Variants in MLXIPL observed in about 807,000 individuals in gnomAD.
The protein encoded by MLXIPL is carbohydrate-responsive element-binding protein.
A neutral mutation model predicts 81.5 loss-of-function variants in MLXIPL; 49 were observed. That is an observed-to-expected ratio of 0.60 (90% CI 0.48 to 0.76). The LOEUF (loss-of-function observed/expected upper bound fraction) is 0.76, where lower values mean the gene tolerates loss of function less well. Ranked by LOEUF, MLXIPL falls within the 30% of genes least tolerant of loss-of-function variation. The pLI is 0.00. For missense variants in MLXIPL, 1,053 were observed against 1,167.0 expected, an observed-to-expected ratio of 0.90 and a Z score of 1.42; for synonymous variants, 466 against 485.5, an observed-to-expected ratio of 0.96 and a Z score of 0.53.
chr7:73,637,820 T>C, the MLXIPL span, among the ~76,000 whole-genome samples: 3 of 152,100 alleles, frequency 2.0e-5, no homozygotes, highest in Admixed American at 6.6e-5. Flanking sequence ...AAAAAGAATG[T>C]CAGGCAGGGT....
intron 8 of MLXIPL, among the ~76,000 whole-genome samples, chr7:73,599,052 A>G (rs1345649016): frequency 2.0e-5 from 3 of 150,740 alleles, no homozygotes; most frequent in African/African-American, 7.3e-5. Flanking sequence ...TAGGCGACAG[A>G]GTGAGACTCT....
upstream of MLXIPL, chr7:73,624,686 C>G: frequency 2.6e-6 from 3 of 1,147,356 alleles, no homozygotes; most frequent in Non-Finnish European, 2.3e-6. Flanking sequence ...GGAGCTCTGG[C>G]GGGTTGGCCC....
At chr7:73,600,678 C>T (rs1354241031) in intron 7 of MLXIPL, among the ~76,000 whole-genome samples, 3 of 80,352 alleles carry the variant, frequency 3.7e-5, no homozygotes, top group African/African-American at 1.5e-4. Flanking sequence ...GGCTGGGCTC[C>T]GAAAGGGGTG....
At chr7:73,606,309 A>C in intron 5 of MLXIPL, 198 bp from the exon 6 acceptor site, 1 of 623,724 alleles carries the variant, frequency 1.6e-6, no homozygotes, top group Non-Finnish European at 2.9e-6. Context: ...TTCCCCCAGG[A>C]GATAGACCAG....
chr7:73,599,798 A>G, intron 7 of MLXIPL, 103 bp from the exon 8 acceptor site: 1 of 1,180,192 alleles, frequency 8.5e-7, no homozygotes, highest in Non-Finnish European at 1.2e-6. Flanking sequence ...GGGTGGGGAC[A>G]TGGGGACTGG....
intron 1 of MLXIPL, among the ~76,000 whole-genome samples, chr7:73,618,845 C>T (rs782669917): frequency 3.9e-5 from 6 of 152,138 alleles, no homozygotes; most frequent in South Asian, 2.1e-4. Flanking sequence ...CTGATCACCC[C>T]GTGTCGCACC....
Position 73,596,344 on chromosome 7 carries a change from G to C in MLXIPL, c.1938+20C>G. On this transcript the variant is annotated intron_variant, in intron 12 of 16. Transcript: ENST00000313375. The surrounding 1 kb of genome is among the most constrained non-coding windows in gnomAD (Gnocchi z 4.7). The stretch of plus-strand genomic sequence containing the variant: ...GCCTGGGGGTAGCAAACCGATCTTG[G>C]GGTGGGGGATGGTGCCCACCTTGTT... 2 of 1,613,238 alleles carry C rather than the reference G, an allele frequency of 1.2e-6. No individual in the cohort carries two copies. The highest frequency in any genetic ancestry group is 1.7e-6 in the Non-Finnish European group (2 of 1,179,870).
chr7:73,617,476 A>C (rs1260095967), intron 1 of MLXIPL, among the ~76,000 whole-genome samples: 1 of 152,152 alleles, frequency 6.6e-6, no homozygotes, highest in Non-Finnish European at 1.5e-5. Context: ...CAGATCCCAA[A>C]GGAAGGCCGC....
the MLXIPL span, among the ~76,000 whole-genome samples, chr7:73,634,981 ATTT>A: frequency 1.6e-4 from 21 of 131,740 alleles, no homozygotes; most frequent in African/African-American, 2.5e-4. Flanking sequence ...ACGCCCAGCT[ATTT>A]TTTTTTTTTT....
Position 73,596,165 on chromosome 7 carries a change from C to T in MLXIPL, c.2046G>A (p.Gln682=), listed in dbSNP as rs782717174. 1 of 1,612,836 alleles carries T rather than the reference C, an allele frequency of 6.2e-7. No homozygotes were observed. The highest frequency in any genetic ancestry group is 1.7e-5 in the Admixed American group (1 of 59,996). ...LHGLVSTLSA[Q]PSLKVSKATT... ...GCCCGGGGCTCACCTTGAGGCTGGG[C>T]TGGGCACTGAGTGTGCTCACGAGCC... Residue 682 remains glutamine, a synonymous_variant, in exon 13 of 17, where the codon CAG becomes CAA. Transcript: ENST00000313375. This position sits in a 1 kb window ranked among gnomAD's most constrained non-coding sequence, Gnocchi z 4.7.
Position 73,596,257 on chromosome 7 carries a change from T to C in MLXIPL, c.1954A>G (p.Ile652Val), listed in dbSNP as rs781935997. ...PDSNKTENRR[I>V]THISAEQKRR... ...TTCTGCTCCGCGGAGATGTGTGTGA[T>C]ACGCCGGTTCTCGGTCTCGGGGAGC... is the stretch of plus-strand genomic sequence containing the variant. The change falls in exon 13 of 17, where the codon ATC (isoleucine) becomes GTC (valine). Residue 652 changes from isoleucine (I) to valine (V), a missense_variant. Ile to Val is a conservative substitution (Grantham distance 29). Around this residue, in one of 3 missense-constraint regions of MLXIPL, gnomAD observed 823 missense variants for 933.0 expected, o/e 0.88. Coordinates refer to ENST00000313375, the MANE Select transcript of MLXIPL (RefSeq NM_032951.3). This position sits in a 1 kb window ranked among gnomAD's most constrained non-coding sequence, Gnocchi z 4.7. 2 of 1,611,620 alleles carry C rather than the reference T, an allele frequency of 1.2e-6. No individual in the cohort carries two copies. Among genetic ancestry groups the C allele is most frequent in the African/African-American group, 2.7e-5 (2 of 74,094 alleles).
chr7:73,621,719 C>G (rs1554602247), intron 1 of MLXIPL, among the ~76,000 whole-genome samples: 1 of 118,950 alleles, frequency 8.4e-6, no homozygotes, highest in Admixed American at 8.2e-5. Flanking sequence ...CCCTCCATCT[C>G]TCTCCAGCTC....
chr7:73,630,438 G>A, the MLXIPL span, among the ~76,000 whole-genome samples: 2 of 151,904 alleles, frequency 1.3e-5, no homozygotes, highest in African/African-American at 2.4e-5. Context: ...GACTACAGGC[G>A]TGTGCCACTA....
chr7:73,641,834 C>A, the MLXIPL span, among the ~76,000 whole-genome samples: 1 of 152,050 alleles, frequency 6.6e-6, no homozygotes, highest in Admixed American at 6.6e-5. Flanking sequence ...TGGGGTTTCA[C>A]CATGTTAGCC....
chr7:73,636,409 C>CAA, the MLXIPL span, among the ~76,000 whole-genome samples: 3 of 79,668 alleles, frequency 3.8e-5, no homozygotes, highest in Non-Finnish European at 5.2e-5. Context: ...GACTCTGTCT[C>CAA]AAAAAAAAAA....
intron 15 of MLXIPL, 45 bp from the exon 16 acceptor site, chr7:73,594,448 C>T (rs782223425): frequency 1.3e-6 from 2 of 1,598,822 alleles, no homozygotes; most frequent in African/African-American, 1.3e-5. Context: ...CTGGTCCCCC[C>T]ACACCACGTG....
chr7:73,619,791 G>A (rs1047458728), intron 1 of MLXIPL, among the ~76,000 whole-genome samples: 24 of 151,800 alleles, frequency 1.6e-4, no homozygotes, highest in Non-Finnish European at 2.8e-4. Flanking sequence ...TTAGCTGGGC[G>A]TGGTGGCAGG....
intron 7 of MLXIPL, among the ~76,000 whole-genome samples, chr7:73,600,895 G>A (rs1237112880): frequency 2.0e-5 from 3 of 151,850 alleles, no homozygotes; most frequent in African/African-American, 4.8e-5. Flanking sequence ...ACCACATCCC[G>A]GGCCTGGGCG....
chr7:73,594,613 A>C (rs1168831201), intron 15 of MLXIPL, among the ~76,000 whole-genome samples: 1 of 151,802 alleles, frequency 6.6e-6, no homozygotes, highest in African/African-American at 2.4e-5. Flanking sequence ...CAGTGGCACG[A>C]TCTCAGCTCA....
Sources: allele counts gnomAD v4.1 joint callset (sites outside exome capture counted in the v4.1 genomes callset), GRCh38; gene constraint gnomAD v4.1.1; regional missense constraint gnomAD v4.1.1; non-coding constraint Gnocchi (gnomAD v3.1); transcripts MANE v1.5; gene names NCBI Gene and HGNC (gene_info 2026-07-23, HGNC 2026-07-21).